The following VWDE variants were observed in gnomAD, a reference collection of about 807,000 sequenced individuals.
VWDE encodes the protein von Willebrand factor D and EGF domain-containing protein.
Under a neutral mutation model 178.4 loss-of-function variants are expected in VWDE, and 207 were observed. The observed-to-expected ratio is 1.16, with a 90% CI of 1.04 to 1.30. VWDE has a LOEUF of 1.30. Ranked by LOEUF, VWDE falls within the 50% of genes most tolerant of loss-of-function variation. The pLI, the probability that VWDE is intolerant of heterozygous loss-of-function variation, is 0.00. For missense variants in VWDE, 2,287 were observed against 1,901.3 expected, an observed-to-expected ratio of 1.20 and a Z score of -3.77; for synonymous variants, 738 against 651.4, an observed-to-expected ratio of 1.13 and a Z score of -2.02.
Position 12,383,593 on chromosome 7 carries a change from C to T in VWDE, c.484G>A (p.Asp162Asn). 1 of 1,550,346 alleles carries T rather than the reference C, an allele frequency of 6.5e-7. No homozygotes were observed. The highest frequency in any genetic ancestry group is 2.0e-5 in the Admixed American group (1 of 50,962). Residue 162 changes from aspartate to asparagine, a missense_variant, in exon 4 of 29, where the codon GAT becomes AAT. Transcript: ENST00000275358. ...CMGYCAEAIS[D>N]ARLHPCGSDE... ...GAACCACATGGGTGTAATCGTGCAT[C>T]AGAAATAGCTGCCAAGGGTTAAGGT...
intron 1 of VWDE, among the ~76,000 whole-genome samples, chr7:12,397,150 A>G (rs888482248): frequency 2.0e-5 from 3 of 152,204 alleles, no homozygotes. Flanking sequence ...CTGAGGCATT[A>G]CATTACCCAA....
chr7:12,393,834 C>T lies in VWDE; in HGVS notation c.59-56G>A, dbSNP rs113106284. ...ATGTGTTTTGTTTGTTGACATAGTT[C>T]GGTCCTCAATTAAAATTGATTCCCA... On this transcript the variant is annotated intron_variant, in intron 1 of 28. Transcript: ENST00000275358. 825 of 1,391,866 alleles carry T rather than the reference C, an allele frequency of 5.9e-4. 4 individuals carry two copies. The African/African-American group carries it at 0.01, about 18-fold the overall frequency. 86.2% of individuals were successfully genotyped at this position (1,391,866 alleles called of 1,614,324 possible). A position where few individuals can be genotyped will look rare whatever the true frequency, so the allele number is the denominator to read the frequency against.
intron 19 of VWDE, among the ~76,000 whole-genome samples, chr7:12,346,488 C>T (rs1441491006): frequency 2.0e-5 from 3 of 151,842 alleles, no homozygotes; most frequent in East Asian, 1.9e-4. Flanking sequence ...TATATAAATG[C>T]TATTTTATAT....
At chr7:12,341,961 G>C (rs1204753455) in intron 23 of VWDE, 98 bp downstream of exon 23, 5 of 878,990 alleles carry the variant, frequency 5.7e-6, no homozygotes, top group Non-Finnish European at 8.9e-6. Flanking sequence ...TACCTGTCTT[G>C]TCAGGTCAGT....
intron 12 of VWDE, among the ~76,000 whole-genome samples, chr7:12,368,573 G>A (rs1398699352): frequency 6.6e-6 from 1 of 152,136 alleles, no homozygotes; most frequent in Non-Finnish European, 1.5e-5. Flanking sequence ...AAGAATGCTA[G>A]ATGAATTCAG....
chr7:12,342,376 C>T (rs1339609112), intron 22 of VWDE, among the ~76,000 whole-genome samples: 1 of 151,886 alleles, frequency 6.6e-6, no homozygotes, highest in Non-Finnish European at 1.5e-5. Flanking sequence ...AATAGAAAAC[C>T]ATTGAGCCAA....
At chr7:12,346,374 C>A (rs1370213439) in intron 19 of VWDE, among the ~76,000 whole-genome samples, 2 of 151,938 alleles carry the variant, frequency 1.3e-5, no homozygotes, top group Non-Finnish European at 2.9e-5. Flanking sequence ...AGAACTACTA[C>A]AAGAGTGATA....
rs1295841088 is a variant in VWDE, at chr7:12,357,380, C to T, written c.3410G>A (p.Gly1137Glu). Residue 1137 changes from glycine (G) to glutamate (E), a missense_variant, in exon 17 of 29, where the codon GGG (glycine) becomes GAG (glutamate). Gly to Glu is a moderately conservative substitution (Grantham distance 98). Transcript: ENST00000275358. ...AAGCCCTGCAGAGGAAACACTTGCCCCTTCAGGACCAGAGTCCAACGTAAA... is the reference window on the plus strand; with the variant it reads ...AAGCCCTGCAGAGGAAACACTTGCCTCTTCAGGACCAGAGTCCAACGTAAA... ...IHFTLDSGPE[G>E]ASVSSAGLFM... is the part of the protein sequence containing the mutation. The T allele has an allele frequency of 2.1e-5, 33 of 1,551,740 alleles. No individual in the cohort carries two copies. The highest frequency in any genetic ancestry group is 2.7e-5 in the Non-Finnish European group (31 of 1,147,032).
intron 10 of VWDE, among the ~76,000 whole-genome samples, chr7:12,372,212 G>T (rs1783247064): frequency 1.3e-5 from 2 of 151,948 alleles, no homozygotes; most frequent in South Asian, 2.1e-4. Flanking sequence ...TCGGAGTGCT[G>T]ATTATACATT....
At chr7:12,401,308 C>T (rs1450426489) in intron 1 of VWDE, among the ~76,000 whole-genome samples, 1 of 151,994 alleles carries the variant, frequency 6.6e-6, no homozygotes, top group Non-Finnish European at 1.5e-5. Flanking sequence ...AAGGAATCAA[C>T]TAAAAAAACT....
At position 12,343,181 on chromosome 7, in the gene VWDE, G is replaced by A. The variant is rs766969427; in HGVS notation, c.4079-3C>T. On this transcript the variant is annotated splice_region_variant and splice_polypyrimidine_tract_variant and intron_variant, in intron 21 of 28. Coordinates refer to ENST00000275358, the MANE Select transcript of VWDE (RefSeq NM_001135924.3). Reference sequence around the variant, plus strand: ...TTGACAAGGTGGGTTACAATGTTCTGCAGAAACAGATTATGTTATTATGTC... The same window carrying A: ...TTGACAAGGTGGGTTACAATGTTCTACAGAAACAGATTATGTTATTATGTC... The A allele has an allele frequency of 1.9e-6, 3 of 1,544,562 alleles. No homozygotes were observed. In the South Asian group the frequency reaches 3.6e-5, roughly 18 times the overall value.
intron 7 of VWDE, among the ~76,000 whole-genome samples, chr7:12,375,809 CCTTGAGATG>C (rs1783496743): frequency 6.6e-6 from 1 of 151,884 alleles, no homozygotes; most frequent in Non-Finnish European, 1.5e-5. Context: ...ATATTCACAA[CCTTGAGATG>C]CTCCCTCGCT....
chr7:12,377,861 T>G lies in VWDE; in HGVS notation c.939A>C (p.Glu313Asp), dbSNP rs146218876. Reference protein sequence around the residue: ...EDGKEYYLRIESTVPIICSEF... With the variant: ...EDGKEYYLRIDSTVPIICSEF... ...CAGAACAAATAATAGGAACTGTGCT[T>G]TCTATCCTCAGGTAGTATTCTTTCC... Residue 313 changes from glutamate to aspartate, a missense_variant, in exon 7 of 29, where the codon GAA becomes GAC. Physicochemically the swap from Glu to Asp is conservative, Grantham distance 45. Coordinates refer to ENST00000275358, the MANE Select transcript of VWDE (RefSeq NM_001135924.3). 7 of 1,529,590 alleles carry G rather than the reference T, an allele frequency of 4.6e-6. No individual in the cohort carries two copies. The East Asian group carries it at 1.0e-4, about 22-fold the overall frequency. 94.8% of individuals were successfully genotyped at this position (1,529,590 alleles called of 1,614,324 possible).
rs1247365549 is a variant in VWDE, at chr7:12,343,118, C to T, written c.4139G>A (p.Cys1380Tyr). The change falls in exon 22 of 29, where the codon TGT becomes TAT. Residue 1380 changes from cysteine to tyrosine, a missense_variant. Cys to Tyr is a radical substitution (Grantham distance 194). Coordinates refer to ENST00000275358, the MANE Select transcript of VWDE (RefSeq NM_001135924.3). Reference sequence around the variant, plus strand: ...CCTTGGTCCTACAAAACCATAAGGACAAGTGCAGAGATTCCCAGCCAAGCA... The same window carrying T: ...CCTTGGTCCTACAAAACCATAAGGATAAGTGCAGAGATTCCCAGCCAAGCA... ...GTCLAGNLCT[C>Y]PYGFVGPRCE... 6.5e-7 allele frequency: 1 copy of T among 1,549,674 alleles called. No homozygotes were observed. Among genetic ancestry groups the T allele is most frequent in the African/African-American group, 1.4e-5 (1 of 72,932 alleles).
rs1219753819 is a variant in VWDE at position 12,359,756 on chromosome 7, A to G, written c.3160-64T>C. 3 of 991,950 alleles carry G rather than the reference A, an allele frequency of 3.0e-6. No homozygotes were observed. In the South Asian group the frequency reaches 4.7e-5, roughly 15 times the overall value. The allele number at this position is 991,950 out of a possible 1,614,324, so 61.4% of individuals were successfully genotyped here. On this transcript the variant is annotated intron_variant, in intron 15 of 28. Coordinates refer to ENST00000275358, the MANE Select transcript of VWDE (RefSeq NM_001135924.3). ...AGCGTGTAGAAAAAAAAAAGTACAT[A>G]GAAGGATGGCAGTGTATGTATTGAT...
At chr7:12,388,216 T>C (rs1043584394) in intron 3 of VWDE, among the ~76,000 whole-genome samples, 1 of 152,180 alleles carries the variant, frequency 6.6e-6, no homozygotes, top group African/African-American at 2.4e-5. Context: ...ACTTTCTCAT[T>C]ATTAGACTAG....
intron 27 of VWDE, among the ~76,000 whole-genome samples, chr7:12,335,687 C>T (rs1479540482): frequency 1.3e-5 from 2 of 152,158 alleles, no homozygotes; most frequent in African/African-American, 4.8e-5. Flanking sequence ...GATCTCCTGA[C>T]CTGGTGATCC....
chr7:12,345,632 T>C (rs73296504), intron 19 of VWDE, among the ~76,000 whole-genome samples: 2,604 of 152,278 alleles, frequency 0.017, 68 homozygotes, highest in African/African-American at 0.059. Flanking sequence ...TATACCCTCC[T>C]GTCTCTGTTT....
Position 12,403,731 on chromosome 7 carries a change from G to A in VWDE, c.-15C>T. On this transcript the variant is annotated 5_prime_UTR_variant, in exon 1 of 29. Transcript: ENST00000275358. ...CCGCCAGGCATCGCTGCTTCCGCAG[G>A]TGGGGCGAAAGGCGTCGCAGAGCCC... 1 of 1,550,596 alleles carries A rather than the reference G, an allele frequency of 6.4e-7. No homozygotes were observed.
Sources: gnomAD v4.1 joint callset for allele counts (sites outside exome capture counted in the v4.1 genomes callset) on GRCh38, gnomAD v4.1.1 for gene constraint, MANE v1.5 for transcripts, NCBI Gene and HGNC (gene_info 2026-07-23, HGNC 2026-07-21) for gene names.